The following ARHGEF28 variants were observed in gnomAD, a reference collection of about 807,000 sequenced individuals.
ARHGEF28 encodes 190 kDa guanine nucleotide exchange factor.
Under a neutral mutation model 206.6 loss-of-function variants are expected in ARHGEF28, and 152 were observed. The observed-to-expected ratio is 0.74, with a 90% CI of 0.64 to 0.84. The LOEUF is 0.84. Among genes scored for constraint, ARHGEF28 ranks in the 40% least tolerant of loss-of-function variants. ARHGEF28 has a pLI of 0.00. For missense variants in ARHGEF28, 2,028 were observed against 2,073.2 expected (o/e 0.98, Z 0.42); for synonymous variants, 763 against 776.4 (o/e 0.98, Z 0.29).
intron 1 of ARHGEF28, among the ~76,000 whole-genome samples, chr5:73,650,099 T>C (rs1744706111): frequency 6.6e-6 from 1 of 152,098 alleles, no homozygotes; most frequent in Non-Finnish European, 1.5e-5. Context: ...CTGATTCTCC[T>C]GGGAAACACG....
intron 1 of ARHGEF28, among the ~76,000 whole-genome samples, chr5:73,675,276 G>T (rs982375967): frequency 6.6e-6 from 1 of 152,302 alleles, no homozygotes; most frequent in East Asian, 1.9e-4. Context: ...GCTGAAGCAT[G>T]TTGTGAGATT....
chr5:73,711,746 T>G lies in ARHGEF28; in HGVS notation c.33+26862T>G, dbSNP rs115731474. Among the ~76,000 whole-genome samples, 819 of 152,220 alleles carry G rather than the reference T, an allele frequency of 5.4e-3. 2 individuals carry two copies. Among genetic ancestry groups the G allele is most frequent in the African/African-American group, 0.018 (766 of 41,568 alleles). On this transcript the variant is annotated intron_variant, in intron 2 of 35. Transcript: ENST00000513042. Reference sequence around the variant, plus strand: ...TTTTTTTTACAGAGATGATAATCTCTGTATTTTTTTTGTAGATGATAATCA... The same window carrying G: ...TTTTTTTTACAGAGATGATAATCTCGGTATTTTTTTTGTAGATGATAATCA...
chr5:73,703,396 G>A (rs998356847), intron 2 of ARHGEF28, among the ~76,000 whole-genome samples: 1 of 152,106 alleles, frequency 6.6e-6, no homozygotes, highest in Non-Finnish European at 1.5e-5. Context: ...CTCCTTTTGG[G>A]GGTTTCCCGT....
intron 2 of ARHGEF28, among the ~76,000 whole-genome samples, chr5:73,697,418 T>C (rs760024908): frequency 3.9e-5 from 6 of 152,182 alleles, no homozygotes; most frequent in Non-Finnish European, 8.8e-5. Context: ...AGAAACAAAA[T>C]GTATATCTTA....
intron 1 of ARHGEF28, among the ~76,000 whole-genome samples, chr5:73,645,891 G>A (rs145330793): frequency 2.4e-4 from 36 of 151,246 alleles, no homozygotes; most frequent in African/African-American, 7.8e-4. Flanking sequence ...TGGTTTGGAT[G>A]TCCATATCTG....
chr5:73,736,343 A>C (rs2112361226), intron 2 of ARHGEF28, among the ~76,000 whole-genome samples: 1 of 152,304 alleles, frequency 6.6e-6, no homozygotes, highest in South Asian at 2.1e-4. Context: ...CTGGGAGTTA[A>C]GAAGGAAGCA....
chr5:73,740,942 C>T (rs80013734), intron 2 of ARHGEF28, among the ~76,000 whole-genome samples: 2,914 of 152,124 alleles, frequency 0.019, 109 homozygotes, highest in African/African-American at 0.067. Flanking sequence ...ATTTTGCTTC[C>T]TTCTTGGTTT....
At chr5:73,793,539 G>A (rs1754611002) in intron 7 of ARHGEF28, among the ~76,000 whole-genome samples, 1 of 152,210 alleles carries the variant, frequency 6.6e-6, no homozygotes. Flanking sequence ...TTAGCATAAA[G>A]CAGGGCTGTG....
chr5:73,654,635 G>T (rs1745061345), intron 1 of ARHGEF28, among the ~76,000 whole-genome samples: 2 of 152,148 alleles, frequency 1.3e-5, no homozygotes, highest in South Asian at 4.2e-4. Context: ...TTGACCTTGG[G>T]GAAGTCATCA....
intron 9 of ARHGEF28, among the ~76,000 whole-genome samples, chr5:73,818,299 G>A (rs1179018981): frequency 6.6e-6 from 1 of 152,174 alleles, no homozygotes; most frequent in Admixed American, 6.5e-5. Flanking sequence ...CCTTGACACA[G>A]TAAGTAGGCA....
At chr5:73,660,749 G>A (rs1321010885) in intron 1 of ARHGEF28, among the ~76,000 whole-genome samples, 1 of 152,196 alleles carries the variant, frequency 6.6e-6, no homozygotes, top group Non-Finnish European at 1.5e-5. Flanking sequence ...CATTGTCAGT[G>A]AGCAGTAATA....
chr5:73,717,144 C>A (rs542359401), intron 2 of ARHGEF28, among the ~76,000 whole-genome samples: 81 of 152,176 alleles, frequency 5.3e-4, no homozygotes, highest in African/African-American at 1.9e-3. Flanking sequence ...TAACAGAATG[C>A]GACTCCATAA....
chr5:73,842,966 G>C (rs973077551), intron 11 of ARHGEF28, among the ~76,000 whole-genome samples: 33 of 148,968 alleles, frequency 2.2e-4, no homozygotes, highest in African/African-American at 8.0e-4. Flanking sequence ...CAGCCTGGGG[G>C]ACGGAGTGAG....
intron 35 of ARHGEF28, among the ~76,000 whole-genome samples, chr5:73,912,198 T>A (rs571208563): frequency 6.6e-6 from 1 of 152,324 alleles, no homozygotes; most frequent in South Asian, 2.1e-4. Context: ...TGAATCCGAA[T>A]GATTTAAATC....
chr5:73,641,404 CTTT>C (rs34541531), intron 1 of ARHGEF28, among the ~76,000 whole-genome samples: 4 of 70,626 alleles, frequency 5.7e-5, no homozygotes, highest in Non-Finnish European at 6.2e-5. Flanking sequence ...AGGGGAAAGG[CTTT>C]TTTTTTTTTT....
chr5:73,738,223 G>A (rs11956661), intron 2 of ARHGEF28, among the ~76,000 whole-genome samples: 36,348 of 152,048 alleles, frequency 0.24, 4,835 homozygotes, highest in Non-Finnish European at 0.3. Flanking sequence ...TAGCTTGGGG[G>A]AGTGGGAAAG....
chr5:73,725,392 G>A (rs535808906), intron 2 of ARHGEF28, among the ~76,000 whole-genome samples: 14 of 152,248 alleles, frequency 9.2e-5, no homozygotes, highest in African/African-American at 3.1e-4. Flanking sequence ...GTATAGATAC[G>A]CCCTTTAGGT....
chr5:73,842,598 G>A (rs1028156381), intron 11 of ARHGEF28, among the ~76,000 whole-genome samples: 5 of 152,206 alleles, frequency 3.3e-5, no homozygotes, highest in Non-Finnish European at 7.3e-5. Flanking sequence ...CTTGGGACAA[G>A]AGACTGCCAG....
At chr5:73,773,602 T>C (rs996214458) in intron 4 of ARHGEF28, among the ~76,000 whole-genome samples, 10 of 152,134 alleles carry the variant, frequency 6.6e-5, no homozygotes, top group African/African-American at 2.2e-4. Context: ...GAATGTGTAG[T>C]GCAATGGGTG....
Sources: gnomAD v4.1 joint callset for allele counts (sites outside exome capture counted in the v4.1 genomes callset) on GRCh38, gnomAD v4.1.1 for gene constraint, MANE v1.5 for transcripts, NCBI Gene and HGNC (gene_info 2026-07-23, HGNC 2026-07-21) for gene names.